The following ADAMTSL1 variants were observed in gnomAD, a reference collection of about 807,000 sequenced individuals.
ADAMTSL1 encodes the protein ADAMTS-like protein 1.
ADAMTSL1 carries 126 observed loss-of-function variants against 201.8 expected under a neutral mutation model. The observed-to-expected ratio is 0.62, with a 90% confidence interval of 0.54 to 0.72. The LOEUF (loss-of-function observed/expected upper bound fraction) is 0.72, where lower values mean the gene tolerates loss of function less well. Ranked by LOEUF, ADAMTSL1 falls within the 30% of genes least tolerant of loss-of-function variation. The pLI is 0.00. For missense variants in ADAMTSL1, 2,679 were observed against 2,277.8 expected (o/e 1.18, Z -3.59); for synonymous variants, 1,121 against 903.4 (o/e 1.24, Z -4.32).
At chr9:18,251,298 ATAAT>A (rs1345362286) in intron 2 of ADAMTSL1, among the ~76,000 whole-genome samples, 3 of 152,190 alleles carry the variant, frequency 2.0e-5, no homozygotes, top group Admixed American at 6.5e-5. Context: ...AACAGGAAAA[ATAAT>A]TAATAACATA....
intron 1 of ADAMTSL1, among the ~76,000 whole-genome samples, chr9:18,045,401 C>A (rs1266631308): frequency 6.6e-6 from 1 of 152,000 alleles, no homozygotes; most frequent in African/African-American, 2.4e-5. Flanking sequence ...AGTCTTAACA[C>A]AAAGAAAGTG....
intron 2 of ADAMTSL1, among the ~76,000 whole-genome samples, chr9:18,338,478 C>T (rs1023468801): frequency 6.6e-6 from 1 of 152,076 alleles, no homozygotes; most frequent in African/African-American, 2.4e-5. Flanking sequence ...GACAAGTTCT[C>T]ACCCTGTCCC....
chr9:18,385,292 A>G (rs1837746984), intron 2 of ADAMTSL1, among the ~76,000 whole-genome samples: 1 of 152,020 alleles, frequency 6.6e-6, no homozygotes, highest in Non-Finnish European at 1.5e-5. Context: ...TGATCCACCC[A>G]GATTCCCACA....
At chr9:18,534,333 A>C (rs1230943701) in intron 3 of ADAMTSL1, among the ~76,000 whole-genome samples, 1 of 152,126 alleles carries the variant, frequency 6.6e-6, no homozygotes, top group African/African-American at 2.4e-5. Context: ...GTTCAAGACC[A>C]TCCTGGGGAG....
chr9:18,763,956 T>C (rs1278533164), intron 16 of ADAMTSL1, among the ~76,000 whole-genome samples: 1 of 152,208 alleles, frequency 6.6e-6, no homozygotes, highest in Non-Finnish European at 1.5e-5. Context: ...TTTGTTTTGC[T>C]TAGGATAGCT....
At chr9:18,555,702 G>A (rs1241496902) in intron 3 of ADAMTSL1, among the ~76,000 whole-genome samples, 1 of 152,002 alleles carries the variant, frequency 6.6e-6, no homozygotes, top group Non-Finnish European at 1.5e-5. Context: ...AGACCAGGAA[G>A]TGACACTTGA....
intron 1 of ADAMTSL1, among the ~76,000 whole-genome samples, chr9:17,984,222 C>T (rs1051658117): frequency 6.6e-6 from 1 of 152,018 alleles, no homozygotes; most frequent in Non-Finnish European, 1.5e-5. Flanking sequence ...AAAAGGGACA[C>T]ATAATTCAGA....
intron 11 of ADAMTSL1, 112 bp downstream of exon 11, chr9:18,680,628 A>T (rs758540644): frequency 1.1e-5 from 13 of 1,193,554 alleles, no homozygotes; most frequent in Non-Finnish European, 1.5e-5. Context: ...TGAGGTGTCT[A>T]GAAGCCTACC....
intron 12 of ADAMTSL1, among the ~76,000 whole-genome samples, chr9:18,682,891 C>T (rs953546315): frequency 5.9e-5 from 9 of 152,196 alleles, no homozygotes; most frequent in East Asian, 1.9e-4. Context: ...GCATCTCTCT[C>T]GAAGCCTTGG....
chr9:18,298,036 G>C (rs1833543108), intron 2 of ADAMTSL1, among the ~76,000 whole-genome samples: 3 of 152,174 alleles, frequency 2.0e-5, no homozygotes, highest in Admixed American at 2.0e-4. Flanking sequence ...GTTTGAATTA[G>C]TCTCCATTCT....
chr9:18,477,276 T>G (rs1274089487), intron 1 of ADAMTSL1, among the ~76,000 whole-genome samples: 1 of 152,240 alleles, frequency 6.6e-6, no homozygotes, highest in Non-Finnish European at 1.5e-5. Context: ...TGCCTTTTGT[T>G]TCTTTTAAAC....
chr9:17,930,859 C>T (rs1826754544), intron 1 of ADAMTSL1, among the ~76,000 whole-genome samples: 1 of 152,164 alleles, frequency 6.6e-6, no homozygotes, highest in Non-Finnish European at 1.5e-5. Context: ...TTCCCAGGCT[C>T]TTGTGTAGCT....
chr9:18,534,553 C>A (rs1394487457), intron 3 of ADAMTSL1, among the ~76,000 whole-genome samples: 1 of 152,142 alleles, frequency 6.6e-6, no homozygotes, highest in Non-Finnish European at 1.5e-5. Context: ...CTTGCCGATC[C>A]CTCTGTTGAA....
At position 18,171,663 on chromosome 9, in the gene ADAMTSL1, T is replaced by C. The variant is rs373409708; in HGVS notation, c.207+7682T>C. The stretch of plus-strand genomic sequence containing the variant: ...ACTATGATGATAGTTTCTTTTGCTG[T>C]GCAGAAGCTCTTCAGTTTAATCAGA... On this transcript the variant is annotated intron_variant, in intron 2 of 29. Transcript: ENST00000680146. Among the ~76,000 whole-genome samples, 17 of 152,308 alleles carry C rather than the reference T, an allele frequency of 1.1e-4. No individual in the cohort carries two copies. In the East Asian group the frequency reaches 1.2e-3, roughly 10 times the overall value.
chr9:18,478,335 A>G (rs895747325), intron 1 of ADAMTSL1, among the ~76,000 whole-genome samples: 3 of 152,068 alleles, frequency 2.0e-5, no homozygotes, highest in Non-Finnish European at 4.4e-5. Context: ...CCCCTTTATT[A>G]TGGCTTACTC....
chr9:18,550,269 T>C (rs1479505264), intron 3 of ADAMTSL1, among the ~76,000 whole-genome samples: 1 of 151,656 alleles, frequency 6.6e-6, no homozygotes, highest in Non-Finnish European at 1.5e-5. Flanking sequence ...GTTGCAGACC[T>C]TAAGATCTTA....
chr9:18,001,354 A>G lies in ADAMTSL1; in HGVS notation c.87+94432A>G, dbSNP rs560489634. On this transcript the variant is annotated intron_variant, in intron 1 of 29. Coordinates refer to the ADAMTSL1 transcript ENST00000680146. The stretch of plus-strand genomic sequence containing the variant: ...CATATGAATAAATCATGGCACAGTC[A>G]TACCATCTTGTCCCAGTGCTTAGAT... Among the ~76,000 whole-genome samples, 5 of 152,172 alleles carry G rather than the reference A, an allele frequency of 3.3e-5. No homozygotes were observed. The South Asian group carries it at 1.0e-3, about 32-fold the overall frequency.
At chr9:18,124,168 T>C (rs1489626170) in intron 1 of ADAMTSL1, among the ~76,000 whole-genome samples, 1 of 144,056 alleles carries the variant, frequency 6.9e-6, no homozygotes, top group East Asian at 2.3e-4. Flanking sequence ...CTGCAACCTC[T>C]GTGTCCTGGG....
chr9:18,190,117 G>A (rs995785790), intron 2 of ADAMTSL1, among the ~76,000 whole-genome samples: 3 of 152,186 alleles, frequency 2.0e-5, no homozygotes, highest in Non-Finnish European at 4.4e-5. Flanking sequence ...TGATACAATA[G>A]TCACAGAAGC....
Sources: allele counts gnomAD v4.1 joint callset (sites outside exome capture counted in the v4.1 genomes callset), GRCh38; gene constraint gnomAD v4.1.1; transcripts MANE v1.5; gene names NCBI Gene and HGNC (gene_info 2026-07-23, HGNC 2026-07-21).